The following SLC14A2 variants were observed in gnomAD, a reference collection of about 807,000 sequenced individuals.
SLC14A2 encodes solute carrier family 14 member 2.
SLC14A2 carries 91 observed loss-of-function variants against 104.6 expected under a neutral mutation model. That is an observed-to-expected ratio of 0.87 (90% CI 0.73 to 1.04). SLC14A2 has a LOEUF of 1.04. Among genes scored for constraint, SLC14A2 ranks in the 50% least tolerant of loss-of-function variants. The pLI is 0.00. For synonymous variants in SLC14A2, 476 were observed against 466.4 expected, an observed-to-expected ratio of 1.02 and a Z score of -0.27; for missense variants, 1,189 against 1,156.0, an observed-to-expected ratio of 1.03 and a Z score of -0.41.
chr18:45,241,690 C>T (rs986383985), intron 1 of SLC14A2, among the ~76,000 whole-genome samples: 1 of 135,942 alleles, frequency 7.4e-6, no homozygotes, highest in Admixed American at 8.3e-5. Flanking sequence ...GTTGCCCAGG[C>T]TGGAATGCAA....
chr18:45,373,001 A>G (rs2085738755), intron 1 of SLC14A2, among the ~76,000 whole-genome samples: 1 of 152,198 alleles, frequency 6.6e-6, no homozygotes, highest in African/African-American at 2.4e-5. Flanking sequence ...CGAATGCTCA[A>G]TAGCCACACC....
intron 9 of SLC14A2, 77 bp from the exon 10 acceptor site, chr18:45,643,909 A>G: frequency 7.7e-7 from 1 of 1,306,298 alleles, no homozygotes. Context: ...CGCCTGTCAC[A>G]TCCTTCTCCC....
At chr18:45,481,246 G>A (rs1470648202) in intron 1 of SLC14A2, among the ~76,000 whole-genome samples, 2 of 151,780 alleles carry the variant, frequency 1.3e-5, no homozygotes, top group East Asian at 3.9e-4. Context: ...GCATATTCTG[G>A]CCAATAATGC....
intron 2 of SLC14A2, among the ~76,000 whole-genome samples, chr18:45,607,027 T>C (rs1329691214): frequency 1.3e-5 from 2 of 152,228 alleles, no homozygotes; most frequent in South Asian, 2.1e-4. Flanking sequence ...GACAAATAAT[T>C]AAATGATGGA....
At chr18:45,403,786 A>AATGAATGAATGAATG (rs1568185043) in intron 1 of SLC14A2, among the ~76,000 whole-genome samples, 1 of 30,142 alleles carries the variant, frequency 3.3e-5, no homozygotes. Context: ...ATGAATGAAT[A>AATGAATGAATGAATG]AATGAGTGGA....
intron 1 of SLC14A2, among the ~76,000 whole-genome samples, chr18:45,338,209 G>GA (rs2085355242): frequency 6.6e-6 from 1 of 151,858 alleles, no homozygotes; most frequent in Non-Finnish European, 1.5e-5. Context: ...TTTGTTTTTT[G>GA]ATTTTTTTTG....
intron 1 of SLC14A2, among the ~76,000 whole-genome samples, chr18:45,412,592 T>A (rs1309462487): frequency 1.3e-5 from 2 of 152,166 alleles, no homozygotes; most frequent in African/African-American, 4.8e-5. Context: ...CCTTGAAATA[T>A]TCTTGCCATG....
chr18:45,317,307 A>G (rs2085139402), intron 1 of SLC14A2, among the ~76,000 whole-genome samples: 2 of 152,340 alleles, frequency 1.3e-5, no homozygotes, highest in Middle Eastern at 3.4e-3. Context: ...ATCAGCCCAT[A>G]GTCACTGAGC....
rs185700885 is a variant in SLC14A2 at position 45,382,098 on chromosome 18, C to T, written c.-124-101135C>T. Among the ~76,000 whole-genome samples the T allele has an allele frequency of 1.1e-3, 169 of 152,278 alleles. 1 individual carries two copies. The highest frequency in any genetic ancestry group is 3.8e-3 in the African/African-American group (159 of 41,548). On this transcript the variant is annotated intron_variant, in intron 1 of 20. Transcript: ENST00000586448. The stretch of plus-strand genomic sequence containing the variant: ...GTACAATTGTGTTCTACAGGATAGG[C>T]CAGGGGCTCAGATGATACTCATAGA...
At chr18:45,619,838 T>C (rs1294607072) in intron 1 of SLC14A2, among the ~76,000 whole-genome samples, 2 of 152,178 alleles carry the variant, frequency 1.3e-5, no homozygotes, top group Non-Finnish European at 2.9e-5. Context: ...CCCTTCAATT[T>C]GGGAGCACGA....
chr18:45,537,654 G>A (rs1036873367), intron 2 of SLC14A2, among the ~76,000 whole-genome samples: 1 of 152,172 alleles, frequency 6.6e-6, no homozygotes, highest in African/African-American at 2.4e-5. Flanking sequence ...TTGTTCAGAG[G>A]AGTGTCATGA....
At chr18:45,520,660 G>A (rs2043504753) in intron 2 of SLC14A2, among the ~76,000 whole-genome samples, 1 of 152,130 alleles carries the variant, frequency 6.6e-6, no homozygotes, top group South Asian at 2.1e-4. Context: ...GAGACAAGAA[G>A]CAACATGGTG....
Position 45,226,721 on chromosome 18 carries a change from C to T in SLC14A2, c.-125+13530C>T, listed in dbSNP as rs567113402. 8.6e-5 allele frequency among the ~76,000 whole-genome samples: 13 copies of T among 151,536 alleles called. No individual in the cohort carries two copies. The East Asian group carries it at 9.7e-4, about 11-fold the overall frequency. On this transcript the variant is annotated intron_variant, in intron 1 of 20. Coordinates refer to the SLC14A2 transcript ENST00000586448. ...TAGGAGATATACCTAATGTAAATGACGAGTTAATGGGTGCAGCACACCAAC... is the reference window on the plus strand; with the variant it reads ...TAGGAGATATACCTAATGTAAATGATGAGTTAATGGGTGCAGCACACCAAC...
intron 1 of SLC14A2, among the ~76,000 whole-genome samples, chr18:45,292,683 A>G (rs928704364): frequency 4.6e-5 from 7 of 152,154 alleles, no homozygotes; most frequent in Middle Eastern, 3.2e-3. Context: ...CCTGCAAACA[A>G]TGACTTTGAA....
At chr18:45,227,605 C>CTGATCA (rs2084132475) in intron 1 of SLC14A2, among the ~76,000 whole-genome samples, 1 of 152,172 alleles carries the variant, frequency 6.6e-6, no homozygotes, top group African/African-American at 2.4e-5. Context: ...TCTTAAAGGC[C>CTGATCA]CCACCTTTTA....
At chr18:45,315,131 G>A (rs1320898015) in intron 1 of SLC14A2, among the ~76,000 whole-genome samples, 2 of 152,170 alleles carry the variant, frequency 1.3e-5, no homozygotes, top group Admixed American at 1.3e-4. Flanking sequence ...TCTCACTGCA[G>A]GTAGGAGTCA....
intron 10 of SLC14A2, chr18:45,646,095 G>C (rs1220222581): frequency 6.6e-6 from 1 of 152,142 alleles, no homozygotes; most frequent in Non-Finnish European, 1.5e-5. Flanking sequence ...TGCACTAAGG[G>C]GTGCAGTTTT....
At chr18:45,561,051 A>T (rs1469640283) in intron 2 of SLC14A2, among the ~76,000 whole-genome samples, 1 of 152,198 alleles carries the variant, frequency 6.6e-6, no homozygotes, top group Non-Finnish European at 1.5e-5. Flanking sequence ...CTGTGTGGTG[A>T]AAGACAAAAT....
At position 45,641,201 on chromosome 18, in the gene SLC14A2, T is replaced by C; in HGVS notation, c.992-8T>C. The C allele has an allele frequency of 6.2e-7, 1 of 1,613,652 alleles. No homozygotes were observed. The highest frequency in any genetic ancestry group is 1.3e-5 in the African/African-American group (1 of 75,038). On this transcript the variant is annotated splice_region_variant and splice_polypyrimidine_tract_variant and intron_variant, in intron 7 of 19. Coordinates refer to ENST00000255226, the MANE Select transcript of SLC14A2 (RefSeq NM_007163.4). ...AATCAGACAGAAATACCACACCTTG[T>C]CCCATAGCCCTGTCAGTGGCCACAC... is the stretch of plus-strand genomic sequence containing the variant.
Sources: gnomAD v4.1 joint callset for allele counts (sites outside exome capture counted in the v4.1 genomes callset) on GRCh38, gnomAD v4.1.1 for gene constraint, MANE v1.5 for transcripts, NCBI Gene and HGNC (gene_info 2026-07-23, HGNC 2026-07-21) for gene names.